Variants in TMC5 observed in about 807,000 individuals in gnomAD.
The protein encoded by TMC5 is transmembrane channel like 5.
In TMC5, 86 loss-of-function variants were observed where a neutral mutation model predicts 110.5. The observed-to-expected ratio is 0.78, with a 90% CI of 0.65 to 0.93. The LOEUF is 0.93. Among genes scored for constraint, TMC5 ranks in the 40% least tolerant of loss-of-function variants. The probability of loss-of-function intolerance (pLI) is 0.00; values close to 1 mark genes in which losing one functional copy is unlikely to be tolerated. For missense variants in TMC5, 1,144 were observed against 1,222.8 expected, an observed-to-expected ratio of 0.94 and a Z score of 0.96; for synonymous variants, 455 against 439.5, an observed-to-expected ratio of 1.04 and a Z score of -0.44.
rs754569020 is a variant in TMC5 at position 19,440,600 on chromosome 16, C to T, written c.562C>T (p.Leu188=). ...NLNHPGSRKN[L]EHTSFRINPY... The stretch of plus-strand genomic sequence containing the variant: ...GAACCATCCAGGATCCAGAAAGAAT[C>T]TGGAACATACAAGTTTTAGAATCAA... Residue 188 remains leucine, a synonymous_variant, in exon 3 of 22, where the codon CTG becomes TTG. Transcript: ENST00000542583. 54 of 1,614,084 alleles carry T rather than the reference C, an allele frequency of 3.3e-5. No individual in the cohort carries two copies. In the South Asian group the frequency reaches 5.1e-4, roughly 15 times the overall value.
chr16:19,490,857 C>G (rs774381739), intron 18 of TMC5, among the ~76,000 whole-genome samples: 7 of 141,576 alleles, frequency 4.9e-5, no homozygotes, highest in Non-Finnish European at 9.2e-5. Context: ...CGTTCCTTTC[C>G]TCTTCATTTT....
intron 1 of TMC5, among the ~76,000 whole-genome samples, chr16:19,428,477 A>G (rs904332268): frequency 6.6e-6 from 1 of 152,062 alleles, no homozygotes; most frequent in Non-Finnish European, 1.5e-5. Flanking sequence ...CTCAGCCCCA[A>G]TTCTCATTTA....
In TMC5 at chr16:19,462,478, T is replaced by G. The variant is rs768643366; in HGVS notation, c.1149-802T>G. ...TGGGTGATTTATAAAGGAAAGAGGT[T>G]TAATGGACTCACTGTTCCACACAGC... is the stretch of plus-strand genomic sequence containing the variant. On this transcript the variant is annotated intron_variant, in intron 6 of 21. Coordinates refer to ENST00000542583, the MANE Select transcript of TMC5 (RefSeq NM_001261841.2). 7.1e-6 allele frequency: 5 copies of G among 700,260 alleles called. No homozygotes were observed. The South Asian group carries it at 7.4e-5, about 10-fold the overall frequency. 43.4% of individuals were successfully genotyped at this position (700,260 alleles called of 1,614,324 possible). A position where few individuals can be genotyped will look rare whatever the true frequency, so the allele number is the denominator to read the frequency against.
At chr16:19,480,006 T>C (rs570260328) in intron 14 of TMC5, among the ~76,000 whole-genome samples, 1 of 152,022 alleles carries the variant, frequency 6.6e-6, no homozygotes, top group Non-Finnish European at 1.5e-5. Context: ...TCTTATCCAC[T>C]GTAGATAATT....
At chr16:19,462,212 T>G (rs977178181) in intron 6 of TMC5, among the ~76,000 whole-genome samples, 1 of 152,222 alleles carries the variant, frequency 6.6e-6, no homozygotes, top group Non-Finnish European at 1.5e-5. Context: ...TTAATATCAG[T>G]ACAAGTAACA....
intron 15 of TMC5, among the ~76,000 whole-genome samples, chr16:19,482,669 CAG>C (rs2143705124): frequency 1.3e-5 from 2 of 152,224 alleles, no homozygotes; most frequent in East Asian, 3.9e-4. Context: ...AAGAAACACA[CAG>C]AGAGGGCTGT....
intron 5 of TMC5, among the ~76,000 whole-genome samples, chr16:19,453,379 AGG>A (rs1967793408): frequency 6.6e-6 from 1 of 152,062 alleles, no homozygotes; most frequent in African/African-American, 2.4e-5. Flanking sequence ...ACTTGAGGTC[AGG>A]AGTTTGAGAC....
At chr16:19,481,958 G>T (rs1480554768) in intron 15 of TMC5, among the ~76,000 whole-genome samples, 1 of 152,136 alleles carries the variant, frequency 6.6e-6, no homozygotes, top group Non-Finnish European at 1.5e-5. Flanking sequence ...CAACATCTGG[G>T]AATCACTAAG....
chr16:19,489,599 G>T (rs1968835164), intron 17 of TMC5, among the ~76,000 whole-genome samples: 1 of 150,626 alleles, frequency 6.6e-6, no homozygotes, highest in Admixed American at 6.6e-5. Flanking sequence ...CTCCCAAAGT[G>T]CTGGGATTAC....
At chr16:19,489,029 C>T (rs1273598251) in intron 17 of TMC5, among the ~76,000 whole-genome samples, 1 of 147,082 alleles carries the variant, frequency 6.8e-6, no homozygotes, top group East Asian at 1.9e-4. Flanking sequence ...TATCCACTCT[C>T]TTCTCTCTCT....
At chr16:19,458,160 C>G (rs1967934313) in intron 5 of TMC5, among the ~76,000 whole-genome samples, 1 of 152,076 alleles carries the variant, frequency 6.6e-6, no homozygotes, top group Non-Finnish European at 1.5e-5. Context: ...GACCTTCCAG[C>G]CTCTCTGCTC....
intron 14 of TMC5, among the ~76,000 whole-genome samples, chr16:19,480,085 A>G (rs1329171871): frequency 1.3e-5 from 2 of 152,218 alleles, no homozygotes; most frequent in Non-Finnish European, 2.9e-5. Context: ...TCTTTACTAT[A>G]TAATGCTATA....
upstream of TMC5, among the ~76,000 whole-genome samples, chr16:19,416,230 T>C (rs918424535): frequency 2.6e-4 from 40 of 151,434 alleles, no homozygotes; most frequent in Admixed American, 1.1e-3. Context: ...TAGACCCCAA[T>C]ACTTTCTGTG....
chr16:19,478,612 A>T (rs1968542558), intron 13 of TMC5, among the ~76,000 whole-genome samples: 1 of 152,062 alleles, frequency 6.6e-6, no homozygotes, highest in African/African-American at 2.4e-5. Context: ...CCATCCATCC[A>T]TCCATATATT....
At chr16:19,497,870 A>G (rs781219729) in intron 21 of TMC5, 50 bp from the exon 22 acceptor site, 5 of 1,575,188 alleles carry the variant, frequency 3.2e-6, no homozygotes, top group African/African-American at 2.7e-5. Context: ...CCTTGTAGAG[A>G]TGGGGCAGAG....
At chr16:19,426,850 G>A (rs896854425) in intron 1 of TMC5, among the ~76,000 whole-genome samples, 1 of 152,050 alleles carries the variant, frequency 6.6e-6, no homozygotes, top group Admixed American at 6.6e-5. Context: ...GATCTGCAGT[G>A]ATTCTTAAAC....
intron 2 of TMC5, among the ~76,000 whole-genome samples, chr16:19,435,965 T>C (rs1468729357): frequency 2.0e-5 from 3 of 152,088 alleles, no homozygotes; most frequent in African/African-American, 7.2e-5. Flanking sequence ...TTGACTCTTA[T>C]GAAAAATAGT....
chr16:19,459,710 A>G (rs892006553), intron 5 of TMC5, among the ~76,000 whole-genome samples: 5 of 152,098 alleles, frequency 3.3e-5, no homozygotes, highest in African/African-American at 1.2e-4. Context: ...TGAGCCCAGG[A>G]GTTCAAGACC....
At position 19,463,371 on chromosome 16, in the gene TMC5, A is replaced by G. The variant is rs768350297; in HGVS notation, c.1236+4A>G. On this transcript the variant is annotated splice_donor_region_variant and intron_variant, in intron 7 of 21. Coordinates refer to ENST00000542583, the MANE Select transcript of TMC5 (RefSeq NM_001261841.2). ...GTGTCTGAACTCCATTTCCCGGGTA[A>G]GTCAGTAAAACAGGCACAGCAAGAG... 1 of 1,608,210 alleles carries G rather than the reference A, an allele frequency of 6.2e-7. No individual in the cohort carries two copies. Among genetic ancestry groups the G allele is most frequent in the South Asian group, 1.1e-5 (1 of 90,978 alleles).
Sources: gnomAD v4.1 joint callset for allele counts (sites outside exome capture counted in the v4.1 genomes callset) on GRCh38, gnomAD v4.1.1 for gene constraint, MANE v1.5 for transcripts, NCBI Gene and HGNC (gene_info 2026-07-23, HGNC 2026-07-21) for gene names.